EYS: variants seen among roughly 807,000 people sequenced by gnomAD.
EYS encodes the protein EGF-like photoreceptor maintenance factor.
In EYS, 250 loss-of-function variants were observed where a neutral mutation model predicts 282.1. The ratio of observed to expected loss-of-function variants is 0.89; its 90% CI spans 0.80 to 0.98. The LOEUF (loss-of-function observed/expected upper bound fraction) is 0.98, where lower values mean the gene tolerates loss of function less well. Among genes scored for constraint, EYS ranks in the 50% least tolerant of loss-of-function variants. EYS has a pLI of 0.00. For missense variants in EYS, 4,016 were observed against 3,709.0 expected, an observed-to-expected ratio of 1.08 and a Z score of -2.15; for synonymous variants, 1,355 against 1,282.9, an observed-to-expected ratio of 1.06 and a Z score of -1.20.
chr6:65,007,656 G>A (rs535957423), intron 13 of EYS, among the ~76,000 whole-genome samples: 5 of 151,976 alleles, frequency 3.3e-5, no homozygotes, highest in Non-Finnish European at 7.4e-5. Context: ...AATGAATAAG[G>A]ACCCCCCTTC....
At chr6:64,320,154 G>A (rs1770158418) in intron 29 of EYS, among the ~76,000 whole-genome samples, 1 of 151,816 alleles carries the variant, frequency 6.6e-6, no homozygotes, top group Non-Finnish European at 1.5e-5. Context: ...GCTTTGCATT[G>A]TTTGAGATGA....
intron 29 of EYS, among the ~76,000 whole-genome samples, chr6:64,382,788 C>T (rs1323034367): frequency 6.6e-6 from 1 of 151,996 alleles, no homozygotes; most frequent in Admixed American, 6.6e-5. Flanking sequence ...CCCTTCCGGA[C>T]TATTGGCACT....
At chr6:64,736,786 G>C (rs1041728659) in intron 22 of EYS, among the ~76,000 whole-genome samples, 1 of 152,092 alleles carries the variant, frequency 6.6e-6, no homozygotes, top group Admixed American at 6.6e-5. Flanking sequence ...GACTATACAC[G>C]AGTGAGCAAA....
intron 30 of EYS, among the ~76,000 whole-genome samples, chr6:64,252,077 CA>C (rs1462919046): frequency 6.6e-6 from 1 of 152,024 alleles, no homozygotes; most frequent in Non-Finnish European, 1.5e-5. Flanking sequence ...ATGGAATTGT[CA>C]TTTGAATATT....
chr6:63,997,566 C>T (rs183138519), intron 34 of EYS, among the ~76,000 whole-genome samples: 376 of 152,308 alleles, frequency 2.5e-3, no homozygotes, highest in East Asian at 8.3e-3. Context: ...TACATGCATT[C>T]TCTCTTTACC....
chr6:65,264,748 G>C (rs1767706959), intron 12 of EYS, among the ~76,000 whole-genome samples: 1 of 151,842 alleles, frequency 6.6e-6, no homozygotes, highest in South Asian at 2.1e-4. Context: ...AACAATGAAA[G>C]ACTATTTACT....
At chr6:65,481,336 TTAA>T (rs58253604) in intron 5 of EYS, among the ~76,000 whole-genome samples, 30,312 of 152,028 alleles carry the variant, frequency 0.2, 3,281 homozygotes, top group East Asian at 0.27. Context: ...GTATATCTGT[TTAA>T]TAATTTTAGC....
chr6:65,235,171 A>C (rs1231452157), intron 12 of EYS, among the ~76,000 whole-genome samples: 1 of 152,180 alleles, frequency 6.6e-6, no homozygotes, highest in East Asian at 1.9e-4. Flanking sequence ...TTGGTGGAGA[A>C]TTTTGTAGTT....
chr6:63,936,871 A>G (rs1349026420), intron 35 of EYS, among the ~76,000 whole-genome samples: 3 of 152,224 alleles, frequency 2.0e-5, no homozygotes, highest in African/African-American at 7.2e-5. Context: ...TAAAATCAGT[A>G]ACAAATAAGT....
intron 41 of EYS, among the ~76,000 whole-genome samples, chr6:63,736,995 A>C (rs1335742231): frequency 2.0e-5 from 3 of 151,904 alleles, no homozygotes; most frequent in Admixed American, 1.3e-4. Context: ...GGGCTGAGAC[A>C]ATGGGGTTTT....
intron 2 of EYS, among the ~76,000 whole-genome samples, chr6:65,507,527 C>T (rs1482727708): frequency 6.6e-6 from 1 of 151,886 alleles, no homozygotes; most frequent in Non-Finnish European, 1.5e-5. Flanking sequence ...TTTTTCAGCT[C>T]TGTTCTCTTT....
At chr6:64,274,502 T>TTTTTTTTC (rs1768049138) in intron 30 of EYS, among the ~76,000 whole-genome samples, 1 of 150,274 alleles carries the variant, frequency 6.7e-6, no homozygotes. Flanking sequence ...TTTTTTTTTT[T>TTTTTTTTC]TACAAATCAG....
chr6:64,256,900 C>A (rs1301121749), intron 30 of EYS, among the ~76,000 whole-genome samples: 6 of 151,984 alleles, frequency 3.9e-5, no homozygotes, highest in Non-Finnish European at 8.8e-5. Context: ...AAAAATAAAT[C>A]CATATCTCTC....
intron 31 of EYS, among the ~76,000 whole-genome samples, chr6:64,220,270 T>C (rs1431452039): frequency 6.6e-6 from 1 of 152,158 alleles, no homozygotes. Context: ...TAATCACAAA[T>C]TACTGAGTTC....
intron 14 of EYS, among the ~76,000 whole-genome samples, chr6:64,986,502 A>AT (rs34387910): frequency 0.37 from 4,873 of 13,320 alleles, 142 homozygotes; most frequent in South Asian, 0.51. Flanking sequence ...GTCCTATGCA[A>AT]TTTTTTTTTT....
chr6:64,005,443 C>T (rs886923483), intron 33 of EYS, among the ~76,000 whole-genome samples: 3 of 152,046 alleles, frequency 2.0e-5, no homozygotes, highest in African/African-American at 7.2e-5. Flanking sequence ...TTGCTAGTTT[C>T]CTTTGCTTTG....
chr6:65,604,887 AG>A (rs1189409769), intron 2 of EYS, among the ~76,000 whole-genome samples: 5 of 142,350 alleles, frequency 3.5e-5, no homozygotes, highest in Non-Finnish European at 6.0e-5. Context: ...TCTGTCACAT[AG>A]GCTGGAGTGC....
At chr6:64,906,828 T>G (rs758310177) in intron 16 of EYS, among the ~76,000 whole-genome samples, 45 of 152,138 alleles carry the variant, frequency 3.0e-4, no homozygotes, top group Non-Finnish European at 5.0e-4. Flanking sequence ...TTTTTGCCTA[T>G]AAACTGAGAA....
At chr6:65,201,243 A>T (rs1485965597) in intron 12 of EYS, among the ~76,000 whole-genome samples, 2 of 152,144 alleles carry the variant, frequency 1.3e-5, no homozygotes, top group African/African-American at 2.4e-5. Context: ...AAAATATCTG[A>T]CATAACATTT....
Sources: allele counts gnomAD v4.1 joint callset (sites outside exome capture counted in the v4.1 genomes callset), GRCh38; gene constraint gnomAD v4.1.1; transcripts MANE v1.5; gene names NCBI Gene and HGNC (gene_info 2026-07-23, HGNC 2026-07-21).